Variants in CCDC6 observed in about 807,000 individuals in gnomAD.
CCDC6 encodes the protein coiled-coil domain containing 6.
In CCDC6, 20 loss-of-function variants were observed where a neutral mutation model predicts 56.6. The observed-to-expected ratio is 0.35, with a 90% CI of 0.25 to 0.51. CCDC6 has a LOEUF of 0.51. Among genes scored for constraint, CCDC6 ranks in the 20% least tolerant of loss-of-function variants. The pLI, the probability that CCDC6 is intolerant of heterozygous loss-of-function variation, is 0.95. For missense variants in CCDC6, 367 were observed against 601.1 expected (o/e 0.61, Z 4.07); for synonymous variants, 241 against 234.4 (o/e 1.03, Z -0.26).
intron 2 of CCDC6, among the ~76,000 whole-genome samples, chr10:59,849,151 A>G (rs10437342): frequency 0.021 from 3,194 of 152,358 alleles, 111 homozygotes; most frequent in African/African-American, 0.072. Context: ...TGTTGAACTT[A>G]CCAAAAGTAA....
At chr10:59,867,590 G>A (rs1029729950) in intron 1 of CCDC6, among the ~76,000 whole-genome samples, 1 of 152,126 alleles carries the variant, frequency 6.6e-6, no homozygotes, top group Non-Finnish European at 1.5e-5. Context: ...GTCTCACTCT[G>A]TCACCCAGGC....
At chr10:59,822,219 A>G (rs1464360698) in intron 3 of CCDC6, among the ~76,000 whole-genome samples, 2 of 152,238 alleles carry the variant, frequency 1.3e-5, no homozygotes, top group East Asian at 3.8e-4. Context: ...ACATAATTTC[A>G]GGACAACATT....
chr10:59,899,514 G>A (rs1171822), intron 1 of CCDC6, among the ~76,000 whole-genome samples: 143,801 of 152,310 alleles, frequency 0.94, 68,369 homozygotes, highest in Middle Eastern at 1. Flanking sequence ...CACAGCAGAC[G>A]TAAGAATTCA....
At chr10:59,895,539 C>T (rs1171812) in intron 1 of CCDC6, among the ~76,000 whole-genome samples, 71,292 of 151,990 alleles carry the variant, frequency 0.47, 17,303 homozygotes, top group East Asian at 0.63. Flanking sequence ...AGAGGATATA[C>T]GCAAACCCCT....
intron 2 of CCDC6, among the ~76,000 whole-genome samples, chr10:59,845,317 C>T (rs962263819): frequency 2.8e-5 from 4 of 143,676 alleles, no homozygotes; most frequent in African/African-American, 1.0e-4. Context: ...GGATAGGAAG[C>T]TTCTGAGCCC....
chr10:59,877,754 C>A (rs1187783452), intron 1 of CCDC6, among the ~76,000 whole-genome samples: 1 of 152,184 alleles, frequency 6.6e-6, no homozygotes, highest in African/African-American at 2.4e-5. Flanking sequence ...GGAAAAGACA[C>A]AAAACTGTCA....
chr10:59,827,919 C>A (rs1022251428), intron 3 of CCDC6, among the ~76,000 whole-genome samples: 1 of 152,134 alleles, frequency 6.6e-6, no homozygotes, highest in Non-Finnish European at 1.5e-5. Flanking sequence ...TACTTAATAA[C>A]CATGGAGTGT....
chr10:59,805,928 T>C (rs1305223389), intron 6 of CCDC6, among the ~76,000 whole-genome samples: 1 of 152,226 alleles, frequency 6.6e-6, no homozygotes, highest in Non-Finnish European at 1.5e-5. Context: ...ACAGATGTGC[T>C]AACATTGCCT....
intron 2 of CCDC6, among the ~76,000 whole-genome samples, chr10:59,836,116 A>G (rs1456689370): frequency 6.6e-6 from 1 of 151,828 alleles, no homozygotes; most frequent in Non-Finnish European, 1.5e-5. Flanking sequence ...GTCCCCTAAA[A>G]TCATGAGACA....
In CCDC6 at chr10:59,905,057, C is replaced by T. The variant is rs2071532494; in HGVS notation, c.303+1065G>A. Among the ~76,000 whole-genome samples the T allele has an allele frequency of 2.0e-5, 3 of 152,330 alleles. No individual in the cohort carries two copies. The South Asian group carries it at 6.2e-4, about 32-fold the overall frequency. On this transcript the variant is annotated intron_variant, in intron 1 of 8. Transcript: ENST00000263102. Reference sequence around the variant, plus strand: ...CCATTTATCCCCCTTGATTTCTTGACATCATCTTCTCTGCTTCTGGCTGGG... The same window carrying T: ...CCATTTATCCCCCTTGATTTCTTGATATCATCTTCTCTGCTTCTGGCTGGG...
intron 2 of CCDC6, among the ~76,000 whole-genome samples, chr10:59,849,810 C>G (rs756815446): frequency 6.6e-6 from 1 of 152,134 alleles, no homozygotes; most frequent in Non-Finnish European, 1.5e-5. Context: ...AAAATAATTA[C>G]ATAGTTGAAA....
At chr10:59,858,981 C>T (rs1589051912) in intron 1 of CCDC6, among the ~76,000 whole-genome samples, 1 of 152,100 alleles carries the variant, frequency 6.6e-6, no homozygotes, top group Admixed American at 6.6e-5. Context: ...GTCATAGAAC[C>T]TCTTCAGGGT....
chr10:59,799,243 C>T (rs1039971400), intron 7 of CCDC6, among the ~76,000 whole-genome samples: 2 of 151,802 alleles, frequency 1.3e-5, no homozygotes, highest in African/African-American at 4.8e-5. Flanking sequence ...CCAGCCTGGT[C>T]AACACGGTGA....
chr10:59,809,268 T>C (rs1030129724), intron 5 of CCDC6, among the ~76,000 whole-genome samples: 8 of 152,210 alleles, frequency 5.3e-5, no homozygotes, highest in African/African-American at 1.9e-4. Context: ...ATGAAATCCT[T>C]TGCAGAATTA....
chr10:59,805,995 T>G (rs112928395), intron 6 of CCDC6, among the ~76,000 whole-genome samples: 1 of 152,166 alleles, frequency 6.6e-6, no homozygotes, highest in Non-Finnish European at 1.5e-5. Context: ...GTCACAGCCA[T>G]GAGTAGGCCT....
intron 3 of CCDC6, among the ~76,000 whole-genome samples, chr10:59,830,187 C>T (rs1172381064): frequency 1.3e-5 from 2 of 152,194 alleles, no homozygotes; most frequent in Admixed American, 1.3e-4. Context: ...AAGACAAAAA[C>T]TACATGTAAA....
Position 59,789,570 on chromosome 10 carries a change from T to G in CCDC6, c.*3347A>C. The G allele has an allele frequency of 4.3e-6, 1 of 232,746 alleles. No individual in the cohort carries two copies. The highest frequency in any genetic ancestry group is 1.8e-4 in the South Asian group (1 of 5,518). The allele number at this position is 232,746 out of a possible 1,614,324, so 14.4% of individuals were successfully genotyped here. A position where few individuals can be genotyped will look rare whatever the true frequency, so the allele number is the denominator to read the frequency against. On this transcript the variant is annotated 3_prime_UTR_variant, in exon 9 of 9. Coordinates refer to ENST00000263102, the MANE Select transcript of CCDC6 (RefSeq NM_005436.5). ...TCATGTAGCAGCATCAATGGCTGGCTCTTTAACAATTTGGAAATAAAAGGT... is the reference window on the plus strand; with the variant it reads ...TCATGTAGCAGCATCAATGGCTGGCGCTTTAACAATTTGGAAATAAAAGGT...
intron 1 of CCDC6, among the ~76,000 whole-genome samples, chr10:59,865,907 A>G (rs1164044220): frequency 6.6e-6 from 1 of 150,656 alleles, no homozygotes; most frequent in Non-Finnish European, 1.5e-5. Context: ...CTGGCCATGC[A>G]TCATTCACTG....
chr10:59,850,225 C>T (rs2071026179), intron 2 of CCDC6, among the ~76,000 whole-genome samples: 1 of 152,136 alleles, frequency 6.6e-6, no homozygotes, highest in African/African-American at 2.4e-5. Flanking sequence ...TTAATGGGCA[C>T]AGAGTTTCAG....
Sources: allele counts gnomAD v4.1 joint callset (sites outside exome capture counted in the v4.1 genomes callset), GRCh38; gene constraint gnomAD v4.1.1; transcripts MANE v1.5; gene names NCBI Gene and HGNC (gene_info 2026-07-23, HGNC 2026-07-21).